Variants in TEX14 observed in about 807,000 individuals in gnomAD.
The protein encoded by TEX14 is testis expressed 14, intercellular bridge forming factor.
Under a neutral mutation model 178.6 loss-of-function variants are expected in TEX14, and 168 were observed. The observed-to-expected ratio is 0.94, with a 90% CI of 0.83 to 1.07. TEX14 has a LOEUF of 1.07. Ranked by LOEUF, TEX14 falls within the 50% of genes least tolerant of loss-of-function variation. TEX14 has a pLI of 0.00. For synonymous variants in TEX14, 626 were observed against 634.1 expected (o/e 0.99, Z 0.19); for missense variants, 1,730 against 1,753.6 (o/e 0.99, Z 0.24).
chr17:58,635,288 CAAG>C (rs1297582622), intron 2 of TEX14, among the ~76,000 whole-genome samples: 1 of 152,016 alleles, frequency 6.6e-6, no homozygotes, highest in Non-Finnish European at 1.5e-5. Context: ...TAGTTATTGA[CAAG>C]AAGAAATTAC....
intron 1 of TEX14, among the ~76,000 whole-genome samples, chr17:58,666,046 CAAA>C (rs71395178): frequency 2.0e-5 from 2 of 99,042 alleles, no homozygotes. Flanking sequence ...GACTCTGTCT[CAAA>C]AAAAAAAAAA....
chr17:58,580,325 T>A (rs1483577292), intron 19 of TEX14, among the ~76,000 whole-genome samples: 2 of 152,110 alleles, frequency 1.3e-5, no homozygotes, highest in African/African-American at 4.8e-5. Context: ...ATATATATAT[T>A]TTTTGAGACG....
intron 2 of TEX14, among the ~76,000 whole-genome samples, chr17:58,634,496 C>CAGGG (rs1488086425): frequency 6.6e-6 from 1 of 152,154 alleles, no homozygotes; most frequent in African/African-American, 2.4e-5. Flanking sequence ...TCTTACTGCT[C>CAGGG]AGGGCTTGCT....
At chr17:58,638,459 T>G (rs2046489936) in intron 2 of TEX14, among the ~76,000 whole-genome samples, 1 of 152,248 alleles carries the variant, frequency 6.6e-6, no homozygotes, top group Non-Finnish European at 1.5e-5. Flanking sequence ...GAAACTGTGG[T>G]GTATTTATAC....
At chr17:58,631,227 C>T (rs887778581) in intron 2 of TEX14, 6 of 745,158 alleles carry the variant, frequency 8.1e-6, no homozygotes, top group African/African-American at 1.9e-5. Context: ...TTTGGGAAGC[C>T]GAGGCGGGTA....
chr17:58,616,287 T>A lies in TEX14; in HGVS notation c.655A>T (p.Thr219Ser). The A allele has an allele frequency of 6.2e-7, 1 of 1,613,618 alleles. No homozygotes were observed. The highest frequency in any genetic ancestry group is 8.5e-7 in the Non-Finnish European group (1 of 1,179,842). The change falls in exon 7 of 32, where the codon ACA becomes TCA. Residue 219 changes from threonine to serine, a missense_variant. This residue lies in a region of TEX14 where 789 missense variants were observed against 681.2 expected (regional missense o/e 1.16). Transcript: ENST00000349033. The stretch of plus-strand genomic sequence containing the variant: ...AGAGATCCTAGATAGGCCATCTGTG[T>A]CGCCCCAGTAAGATAAAACTGAAAC... Reference protein sequence around the residue: ...GFGKFYLTGATQMAYLGSLPV... With the variant: ...GFGKFYLTGASQMAYLGSLPV...
At chr17:58,634,801 G>T (rs1166108798) in intron 2 of TEX14, among the ~76,000 whole-genome samples, 1 of 152,144 alleles carries the variant, frequency 6.6e-6, no homozygotes, top group Admixed American at 6.6e-5. Flanking sequence ...TACATTCACA[G>T]CAAAGTGAAT....
intron 1 of TEX14, among the ~76,000 whole-genome samples, chr17:58,691,666 C>CAG (rs1555590325): frequency 1.9e-5 from 2 of 107,104 alleles, no homozygotes; most frequent in Non-Finnish European, 3.7e-5. Context: ...GACTCTGTCT[C>CAG]AAAAAAAAAA....
At position 58,635,586 on chromosome 17, in the gene TEX14, T is replaced by A. The variant is rs565286682; in HGVS notation, c.137-5032A>T. Among the ~76,000 whole-genome samples the A allele has an allele frequency of 2.6e-5, 4 of 152,086 alleles. No individual in the cohort carries two copies. In the South Asian group the frequency reaches 8.3e-4, roughly 32 times the overall value. On this transcript the variant is annotated intron_variant, in intron 2 of 31. Coordinates refer to ENST00000349033, the MANE Select transcript of TEX14 (RefSeq NM_031272.5). ...CTGCAATTACAGGCACGCACAACCA[T>A]GCCCAGCTAATTTTTGTATTGTTAA... is the stretch of plus-strand genomic sequence containing the variant.
intron 1 of TEX14, among the ~76,000 whole-genome samples, chr17:58,678,640 C>T (rs1405816223): frequency 1.3e-5 from 2 of 151,854 alleles, no homozygotes; most frequent in Non-Finnish European, 2.9e-5. Flanking sequence ...CACTTGAACA[C>T]GGGGTGGGGA....
At chr17:58,660,027 T>C (rs914086605) in intron 1 of TEX14, among the ~76,000 whole-genome samples, 25 of 151,308 alleles carry the variant, frequency 1.7e-4, no homozygotes, top group African/African-American at 5.3e-4. Context: ...ACTTAAGAAA[T>C]TGGAACACAC....
intron 9 of TEX14, among the ~76,000 whole-genome samples, chr17:58,612,643 G>A (rs943044821): frequency 6.0e-5 from 9 of 150,512 alleles, no homozygotes; most frequent in African/African-American, 2.0e-4. Flanking sequence ...GCTGAGGCAT[G>A]AGAATCGTTT....
At chr17:58,641,301 T>G (rs1191954455) in intron 2 of TEX14, among the ~76,000 whole-genome samples, 1 of 151,600 alleles carries the variant, frequency 6.6e-6, no homozygotes, top group Non-Finnish European at 1.5e-5. Context: ...TCCCAGCTAC[T>G]CGGGAGGCTG....
At chr17:58,585,513 C>T (rs2044934727) in intron 18 of TEX14, among the ~76,000 whole-genome samples, 1 of 151,966 alleles carries the variant, frequency 6.6e-6, no homozygotes, top group South Asian at 2.1e-4. Context: ...ATGATCACAG[C>T]TCACTGCAAC....
intron 11 of TEX14, among the ~76,000 whole-genome samples, chr17:58,604,414 T>G (rs943177274): frequency 6.7e-6 from 1 of 150,222 alleles, no homozygotes; most frequent in Non-Finnish European, 1.5e-5. Flanking sequence ...GAGGTTGCAG[T>G]AAACCGAGAT....
At chr17:58,644,604 T>TG (rs1448939101) in intron 2 of TEX14, among the ~76,000 whole-genome samples, 1 of 147,858 alleles carries the variant, frequency 6.8e-6, no homozygotes, top group African/African-American at 2.5e-5. Context: ...CCTCTCAAAG[T>TG]GCTGGGATTA....
chr17:58,658,765 T>G (rs1402678344), intron 1 of TEX14, among the ~76,000 whole-genome samples: 1 of 152,066 alleles, frequency 6.6e-6, no homozygotes, highest in African/African-American at 2.4e-5. Context: ...CTACAAGGGA[T>G]GAGGTACTTA....
chr17:58,615,229 C>G lies in TEX14; in HGVS notation c.881+3G>C. 1 of 1,599,860 alleles carries G rather than the reference C, an allele frequency of 6.3e-7. No individual in the cohort carries two copies. The highest frequency in any genetic ancestry group is 8.6e-7 in the Non-Finnish European group (1 of 1,167,206). Reference sequence around the variant, plus strand: ...TATAAGGGGCCTTGGGCTTCCTTCTCACCTGCTGTGTTCCTGCTCGGCAAT... The same window carrying G: ...TATAAGGGGCCTTGGGCTTCCTTCTGACCTGCTGTGTTCCTGCTCGGCAAT... On this transcript the variant is annotated splice_donor_region_variant and intron_variant, in intron 8 of 31. Transcript: ENST00000349033.
chr17:58,649,439 A>G (rs182648006), intron 2 of TEX14, among the ~76,000 whole-genome samples: 1 of 152,154 alleles, frequency 6.6e-6, no homozygotes, highest in Non-Finnish European at 1.5e-5. Context: ...CAAGCCCTCT[A>G]TTAGACTGTG....
Sources: allele counts gnomAD v4.1 joint callset (sites outside exome capture counted in the v4.1 genomes callset), GRCh38; gene constraint gnomAD v4.1.1; regional missense constraint gnomAD v4.1.1; transcripts MANE v1.5; gene names NCBI Gene and HGNC (gene_info 2026-07-23, HGNC 2026-07-21).